CPQ: variants seen among roughly 807,000 people sequenced by gnomAD.
CPQ encodes carboxypeptidase Q, also known as Ser-Met dipeptidase.
A neutral mutation model predicts 45.7 loss-of-function variants in CPQ; 37 were observed. The ratio of observed to expected loss-of-function variants is 0.81; its 90% confidence interval spans 0.62 to 1.07. The LOEUF is 1.07. Among genes scored for constraint, CPQ ranks in the 50% least tolerant of loss-of-function variants. CPQ has a pLI of 0.00. For missense variants in CPQ, 537 were observed against 572.9 expected (o/e 0.94, Z 0.64); for synonymous variants, 186 against 205.8 (o/e 0.90, Z 0.82).
chr8:96,689,154 A>G (rs1044284368), intron 1 of CPQ, among the ~76,000 whole-genome samples: 1 of 152,214 alleles, frequency 6.6e-6, no homozygotes, highest in African/African-American at 2.4e-5. Flanking sequence ...TAAGAGAAAT[A>G]GATTTCCCAA....
chr8:96,931,723 G>A (rs897337121), intron 4 of CPQ, among the ~76,000 whole-genome samples: 2 of 152,144 alleles, frequency 1.3e-5, no homozygotes, highest in African/African-American at 4.8e-5. Flanking sequence ...CTCAGACTTC[G>A]AGACTATTGC....
At chr8:97,025,945 G>T (rs1432439780) in intron 5 of CPQ, among the ~76,000 whole-genome samples, 1 of 152,202 alleles carries the variant, frequency 6.6e-6, no homozygotes, top group East Asian at 1.9e-4. Context: ...TAAAAGGGAA[G>T]AACCTGTTTC....
intron 1 of CPQ, among the ~76,000 whole-genome samples, chr8:96,670,545 G>T (rs1299985265): frequency 6.6e-6 from 1 of 151,950 alleles, no homozygotes; most frequent in Non-Finnish European, 1.5e-5. Flanking sequence ...AATTAACAGA[G>T]ACAGACATTA....
chr8:97,017,638 T>C (rs1563555428), intron 5 of CPQ, among the ~76,000 whole-genome samples: 1 of 151,786 alleles, frequency 6.6e-6, no homozygotes, highest in Middle Eastern at 3.2e-3. Flanking sequence ...CTGCCGGCTT[T>C]CCCCTACTTC....
intron 4 of CPQ, among the ~76,000 whole-genome samples, chr8:96,900,383 A>G (rs143052847): frequency 1.5e-3 from 227 of 152,300 alleles, no homozygotes; most frequent in African/African-American, 5.2e-3. Context: ...TGTGGTTGCA[A>G]GAGAAATCGT....
chr8:96,818,435 A>G (rs10283083), intron 2 of CPQ, among the ~76,000 whole-genome samples: 2,574 of 152,170 alleles, frequency 0.017, 75 homozygotes, highest in African/African-American at 0.059. Context: ...TAAATGTGAC[A>G]CAGAGACATG....
intron 4 of CPQ, among the ~76,000 whole-genome samples, chr8:96,962,775 T>A (rs1366321332): frequency 1.3e-5 from 2 of 152,200 alleles, no homozygotes; most frequent in Non-Finnish European, 2.9e-5. Flanking sequence ...CAGAAGCTCA[T>A]ATATTTGGAA....
At chr8:97,067,080 C>T (rs1289009843) in intron 7 of CPQ, among the ~76,000 whole-genome samples, 1 of 151,892 alleles carries the variant, frequency 6.6e-6, no homozygotes, top group Non-Finnish European at 1.5e-5. Flanking sequence ...GTGTGCACCA[C>T]CATGCCTGGC....
chr8:96,931,516 C>G (rs1812975411), intron 4 of CPQ, among the ~76,000 whole-genome samples: 1 of 152,148 alleles, frequency 6.6e-6, no homozygotes, highest in Admixed American at 6.6e-5. Context: ...GCCTGATACA[C>G]TCCTAGGATC....
At chr8:96,882,428 G>A (rs996593862) in intron 4 of CPQ, among the ~76,000 whole-genome samples, 1 of 152,228 alleles carries the variant, frequency 6.6e-6, no homozygotes, top group African/African-American at 2.4e-5. Flanking sequence ...TCCCCAGTCA[G>A]TAGTTCCAGG....
intron 1 of CPQ, among the ~76,000 whole-genome samples, chr8:96,658,531 CTG>C (rs1815663075): frequency 1.3e-5 from 2 of 152,212 alleles, no homozygotes; most frequent in Non-Finnish European, 1.5e-5. Flanking sequence ...ATCCCTGAAA[CTG>C]TGCATGTTAG....
intron 7 of CPQ, among the ~76,000 whole-genome samples, chr8:97,089,426 A>C (rs1381116234): frequency 6.6e-6 from 1 of 152,152 alleles, no homozygotes; most frequent in Non-Finnish European, 1.5e-5. Context: ...GGTAGTCCAT[A>C]GTCTCCCCTT....
At chr8:96,648,009 G>T (rs1349139923) in intron 1 of CPQ, among the ~76,000 whole-genome samples, 3 of 152,172 alleles carry the variant, frequency 2.0e-5, no homozygotes, top group African/African-American at 4.8e-5. Flanking sequence ...CCCTAGTATA[G>T]ACAAAGAACA....
intron 7 of CPQ, among the ~76,000 whole-genome samples, chr8:97,117,858 C>G (rs967105892): frequency 2.0e-5 from 3 of 152,140 alleles, no homozygotes; most frequent in African/African-American, 4.8e-5. Context: ...CCACAGTGCC[C>G]AGCCCATTCT....
At chr8:97,026,534 T>G (rs1156624735) in intron 5 of CPQ, among the ~76,000 whole-genome samples, 1 of 152,120 alleles carries the variant, frequency 6.6e-6, no homozygotes, top group African/African-American at 2.4e-5. Flanking sequence ...GCATTTCTCT[T>G]AGGTTCAGGG....
chr8:96,926,625 C>CTTCTTCTTCTTCTTCTTCTTCTTCTTCTT lies in CPQ; in HGVS notation c.850-39310_850-39309insTTCTTCTTCTTCTTCTTCTTCTTCTTCTT, dbSNP rs59043894. 3.9e-4 allele frequency among the ~76,000 whole-genome samples: 23 copies of CTTCTTCTTCTTCTTCTTCTTCTTCTTCTT among 58,482 alleles called. 1 individual carries two copies. The highest frequency in any genetic ancestry group is 1.3e-3 in the African/African-American group (20 of 15,906). 38.4% of individuals were successfully genotyped at this position (58,482 alleles called of 152,430 possible). On this transcript the variant is annotated intron_variant, in intron 4 of 7. Transcript: ENST00000220763. ...TTCTTCTTCTTCTTCTTCTTCTTCT[C>CTTCTTCTTCTTCTTCTTCTTCTTCTTCTT]CTCCTTCTCCTTCTTCTTCTTCTCC...
rs146559736 is a variant in CPQ, at chr8:96,709,542, C to T, written c.-35+64140C>T. On this transcript the variant is annotated intron_variant, in intron 1 of 7. Transcript: ENST00000220763. ...GTTTTATACCTTTACAATTTTGAAC[C>T]GTGCTGCGATAAACATATGCATGCA... is the stretch of plus-strand genomic sequence containing the variant. Among the ~76,000 whole-genome samples the T allele has an allele frequency of 3.7e-4, 56 of 152,168 alleles. No homozygotes were observed. In the East Asian group the frequency reaches 0.01, roughly 28 times the overall value.
intron 7 of CPQ, among the ~76,000 whole-genome samples, chr8:97,125,381 C>G (rs1251449419): frequency 6.6e-6 from 1 of 152,232 alleles, no homozygotes; most frequent in South Asian, 2.1e-4. Context: ...TACTTCCCAA[C>G]TCATTTTATA....
intron 4 of CPQ, among the ~76,000 whole-genome samples, chr8:96,888,056 A>G (rs540392991): frequency 1.6e-4 from 24 of 152,086 alleles, no homozygotes; most frequent in Non-Finnish European, 3.4e-4. Flanking sequence ...GGCTCTTTGG[A>G]TCAGATAATT....
Sources: allele counts gnomAD v4.1 joint callset (sites outside exome capture counted in the v4.1 genomes callset), GRCh38; gene constraint gnomAD v4.1.1; transcripts MANE v1.5; gene names NCBI Gene and HGNC (gene_info 2026-07-23, HGNC 2026-07-21).